CTNNA3: variants seen among roughly 807,000 people sequenced by gnomAD.
CTNNA3 encodes the protein catenin alpha 3.
Under a neutral mutation model 95.7 loss-of-function variants are expected in CTNNA3, and 76 were observed. The observed-to-expected ratio is 0.79, with a 90% CI of 0.66 to 0.96. The LOEUF is 0.96. Ranked by LOEUF, CTNNA3 falls within the 40% of genes least tolerant of loss-of-function variation. The pLI is 0.00. For missense variants in CTNNA3, 1,191 were observed against 1,089.8 expected, an observed-to-expected ratio of 1.09 and a Z score of -1.31; for synonymous variants, 431 against 374.4, an observed-to-expected ratio of 1.15 and a Z score of -1.74.
At chr10:65,980,015 C>T (rs914581034) in intron 16 of CTNNA3, among the ~76,000 whole-genome samples, 4 of 151,348 alleles carry the variant, frequency 2.6e-5, no homozygotes, top group African/African-American at 7.3e-5. Flanking sequence ...ACACAAAATA[C>T]AAAAAATAAA....
At chr10:67,281,520 T>C (rs1839400432) in intron 5 of CTNNA3, among the ~76,000 whole-genome samples, 2 of 152,196 alleles carry the variant, frequency 1.3e-5, no homozygotes, top group Admixed American at 6.6e-5. Flanking sequence ...GCACTGCTTC[T>C]CTACTCAGAC....
chr10:67,077,519 C>T (rs149408661), intron 7 of CTNNA3, among the ~76,000 whole-genome samples: 1,592 of 152,220 alleles, frequency 0.01, 28 homozygotes, highest in African/African-American at 0.036. Context: ...TCATCCTTTG[C>T]ACAATGTTAC....
chr10:67,545,019 A>T (rs919375321), intron 3 of CTNNA3, among the ~76,000 whole-genome samples: 8 of 152,116 alleles, frequency 5.3e-5, no homozygotes, highest in African/African-American at 1.9e-4. Context: ...TAAGCTGGGA[A>T]ATACTTTGAT....
intron 9 of CTNNA3, among the ~76,000 whole-genome samples, chr10:66,765,731 T>C (rs1446793577): frequency 6.6e-6 from 1 of 152,086 alleles, no homozygotes; most frequent in Non-Finnish European, 1.5e-5. Flanking sequence ...TGCATTCCCA[T>C]GTCTCTAGTT....
chr10:67,584,412 T>C (rs1842543752), intron 3 of CTNNA3, among the ~76,000 whole-genome samples: 1 of 152,204 alleles, frequency 6.6e-6, no homozygotes. Context: ...TGTTGCTGCC[T>C]GATCCTTCTT....
intron 11 of CTNNA3, among the ~76,000 whole-genome samples, chr10:66,413,383 A>G (rs1035643530): frequency 6.6e-6 from 1 of 152,190 alleles, no homozygotes; most frequent in African/African-American, 2.4e-5. Flanking sequence ...CTAGAAGGTT[A>G]CATAGTTAAT....
At chr10:66,808,970 G>T (rs1475268335) in intron 7 of CTNNA3, among the ~76,000 whole-genome samples, 1 of 152,124 alleles carries the variant, frequency 6.6e-6, no homozygotes. Flanking sequence ...ATTATTTCTT[G>T]CAGCATGAAT....
intron 7 of CTNNA3, among the ~76,000 whole-genome samples, chr10:66,903,315 C>G (rs1485218907): frequency 6.6e-6 from 1 of 152,078 alleles, no homozygotes; most frequent in Admixed American, 6.5e-5. Flanking sequence ...AGGCCTTCGA[C>G]AAAATTCAAT....
intron 7 of CTNNA3, among the ~76,000 whole-genome samples, chr10:66,849,837 ACAG>A (rs1416569551): frequency 6.6e-6 from 1 of 152,216 alleles, no homozygotes; most frequent in African/African-American, 2.4e-5. Flanking sequence ...CTTTGTTACT[ACAG>A]CCCTAGGAAA....
In CTNNA3 at chr10:66,598,690, G is replaced by A. The variant is rs189411062; in HGVS notation, c.1374+23002C>T. ...AAAATACTTAGGAATAAATCTAACT[G>A]GAAAGATGAAAGACCTGGATACTAA... On this transcript the variant is annotated intron_variant, in intron 10 of 17. Transcript: ENST00000433211. Among the ~76,000 whole-genome samples the A allele has an allele frequency of 3.3e-5, 5 of 151,704 alleles. No individual in the cohort carries two copies. The East Asian group carries it at 9.7e-4, about 29-fold the overall frequency.
At chr10:66,194,982 C>T (rs2086878052) in intron 13 of CTNNA3, among the ~76,000 whole-genome samples, 1 of 152,172 alleles carries the variant, frequency 6.6e-6, no homozygotes, top group Non-Finnish European at 1.5e-5. Context: ...GTATGAAGTA[C>T]AACCGAGGAT....
intron 9 of CTNNA3, among the ~76,000 whole-genome samples, chr10:66,678,335 C>T (rs1042395568): frequency 3.9e-5 from 6 of 152,230 alleles, no homozygotes; most frequent in African/African-American, 1.4e-4. Flanking sequence ...TACCTGCAGT[C>T]TTTTCAAGAT....
chr10:66,773,099 C>G (rs72637088), intron 8 of CTNNA3, among the ~76,000 whole-genome samples: 9,924 of 152,048 alleles, frequency 0.065, 494 homozygotes, highest in East Asian at 0.22. Flanking sequence ...ATGTAAACAT[C>G]AGGATGAAAA....
chr10:66,853,441 A>T (rs936008356), intron 7 of CTNNA3, among the ~76,000 whole-genome samples: 1 of 152,174 alleles, frequency 6.6e-6, no homozygotes, highest in African/African-American at 2.4e-5. Flanking sequence ...ATATATTCCC[A>T]GAACATGCAA....
At chr10:66,191,071 G>A (rs12772753) in intron 13 of CTNNA3, among the ~76,000 whole-genome samples, 11,533 of 152,164 alleles carry the variant, frequency 0.076, 553 homozygotes, top group Admixed American at 0.12. Flanking sequence ...GATGTGACAA[G>A]AGGCAGGTGG....
At chr10:66,392,823 T>C (rs1488074444) in intron 11 of CTNNA3, among the ~76,000 whole-genome samples, 1 of 152,100 alleles carries the variant, frequency 6.6e-6, no homozygotes, top group South Asian at 2.1e-4. Context: ...GGAATGCCAC[T>C]TTGGAAGAAA....
At chr10:66,136,359 T>G (rs2083347636) in intron 13 of CTNNA3, among the ~76,000 whole-genome samples, 1 of 152,230 alleles carries the variant, frequency 6.6e-6, no homozygotes, top group African/African-American at 2.4e-5. Flanking sequence ...ACATGGATGT[T>G]GGTTAATATG....
intron 17 of CTNNA3, among the ~76,000 whole-genome samples, chr10:65,926,827 C>A (rs1169034104): frequency 6.6e-6 from 1 of 151,948 alleles, no homozygotes; most frequent in East Asian, 1.9e-4. Context: ...GGCATTTTTG[C>A]AAGTATGTAG....
intron 5 of CTNNA3, among the ~76,000 whole-genome samples, chr10:67,267,434 G>A (rs375352820): frequency 4.6e-5 from 7 of 152,104 alleles, no homozygotes; most frequent in African/African-American, 1.7e-4. Context: ...GCACGATCTT[G>A]GCTCACTGCA....
Sources: allele counts gnomAD v4.1 joint callset (sites outside exome capture counted in the v4.1 genomes callset), GRCh38; gene constraint gnomAD v4.1.1; transcripts MANE v1.5; gene names NCBI Gene and HGNC (gene_info 2026-07-23, HGNC 2026-07-21).